The following R3HDM1 variants were observed in gnomAD, a reference collection of about 807,000 sequenced individuals.
R3HDM1 encodes the protein R3H domain-containing protein 1.
A neutral mutation model predicts 141.1 loss-of-function variants in R3HDM1; 46 were observed. That is an observed-to-expected ratio of 0.33 (90% confidence interval 0.26 to 0.42). The LOEUF (loss-of-function observed/expected upper bound fraction) is 0.42. R3HDM1 is among the 10% of genes least tolerant of loss of function. The pLI, the probability that R3HDM1 is intolerant of heterozygous loss-of-function variation, is 1.00. For missense variants in R3HDM1, 1,184 were observed against 1,368.3 expected, an observed-to-expected ratio of 0.87 and a Z score of 2.12; for synonymous variants, 435 against 472.9, an observed-to-expected ratio of 0.92 and a Z score of 1.04.
intron 1 of R3HDM1, among the ~76,000 whole-genome samples, chr2:135,585,443 G>A (rs1347024557): frequency 6.6e-6 from 1 of 152,144 alleles, no homozygotes; most frequent in Non-Finnish European, 1.5e-5. Context: ...TAACGTATGA[G>A]CATTGTCTGA....
At chr2:135,687,297 G>GAT (rs761629353) in intron 21 of R3HDM1, among the ~76,000 whole-genome samples, 7 of 152,134 alleles carry the variant, frequency 4.6e-5, no homozygotes, top group Non-Finnish European at 1.0e-4. Context: ...CTCTTCAGTG[G>GAT]ATATAACATT....
chr2:135,578,778 T>C (rs1706092829), intron 1 of R3HDM1, among the ~76,000 whole-genome samples: 1 of 152,180 alleles, frequency 6.6e-6, no homozygotes, highest in South Asian at 2.1e-4. Flanking sequence ...GAAACTGCCT[T>C]TTGTGTAAAG....
intron 1 of R3HDM1, among the ~76,000 whole-genome samples, chr2:135,577,565 T>C (rs559032581): frequency 1.9e-4 from 29 of 151,202 alleles, no homozygotes; most frequent in Admixed American, 3.3e-4. Context: ...TACAGAGAAA[T>C]AAGCTCACGC....
chr2:135,636,782 C>T (rs1289601382), intron 11 of R3HDM1, among the ~76,000 whole-genome samples: 1 of 149,336 alleles, frequency 6.7e-6, no homozygotes, highest in Non-Finnish European at 1.5e-5. Flanking sequence ...TAGAAATTTC[C>T]TCTGTGTTAA....
chr2:135,614,281 A>G (rs749125117), intron 3 of R3HDM1, among the ~76,000 whole-genome samples: 1 of 152,200 alleles, frequency 6.6e-6, no homozygotes, highest in Non-Finnish European at 1.5e-5. Context: ...AACAATATAC[A>G]GCACCCCCAT....
chr2:135,595,495 A>G (rs10167413), intron 1 of R3HDM1, among the ~76,000 whole-genome samples: 4,848 of 152,298 alleles, frequency 0.032, 248 homozygotes, highest in African/African-American at 0.11. Flanking sequence ...AAGCTGCTTA[A>G]TCTTCCTCTG....
chr2:135,537,011 C>T (rs1424766778), intron 1 of R3HDM1, among the ~76,000 whole-genome samples: 3 of 152,056 alleles, frequency 2.0e-5, no homozygotes, highest in Non-Finnish European at 2.9e-5. Context: ...TATTTTCCAC[C>T]AAACAGGTCC....
chr2:135,652,174 C>T (rs2065217897), intron 18 of R3HDM1, 142 bp downstream of exon 18: 1 of 1,303,534 alleles, frequency 7.7e-7, no homozygotes, highest in Non-Finnish European at 9.9e-7. Context: ...CTTTCCGCCT[C>T]TGGAGATTTT....
chr2:135,697,811 T>C (rs912822059), intron 21 of R3HDM1, among the ~76,000 whole-genome samples: 1 of 152,054 alleles, frequency 6.6e-6, no homozygotes, highest in African/African-American at 2.4e-5. Context: ...CCCAGCACTT[T>C]AGGAGGCCAA....
chr2:135,636,239 G>C (rs2063233741), intron 11 of R3HDM1, 56 bp downstream of exon 11: 2 of 1,560,178 alleles, frequency 1.3e-6, no homozygotes, highest in Non-Finnish European at 1.7e-6. Context: ...TTACGTTGTA[G>C]GGTCTCAGTC....
intron 21 of R3HDM1, among the ~76,000 whole-genome samples, chr2:135,685,417 T>C (rs1249259526): frequency 6.6e-6 from 1 of 152,214 alleles, no homozygotes; most frequent in Non-Finnish European, 1.5e-5. Flanking sequence ...GAATATAAAA[T>C]GTCTACAACT....
chr2:135,652,128 A>C (rs2065211287), intron 18 of R3HDM1, 96 bp downstream of exon 18: 1 of 1,446,780 alleles, frequency 6.9e-7, no homozygotes, highest in African/African-American at 1.4e-5. Context: ...TCATGAAGAG[A>C]ATTTGTGAGA....
chr2:135,534,073 A>G (rs1401859198), intron 1 of R3HDM1: 1 of 968,920 alleles, frequency 1.0e-6, no homozygotes, highest in Admixed American at 6.2e-5. Context: ...ATTAATTTAT[A>G]TAGTGACTTA....
chr2:135,695,722 A>T (rs1407208459), intron 21 of R3HDM1, among the ~76,000 whole-genome samples: 1 of 133,566 alleles, frequency 7.5e-6, no homozygotes, highest in East Asian at 2.2e-4. Context: ...TGAAGAAGTG[A>T]AAGAAAGAAA....
intron 20 of R3HDM1, among the ~76,000 whole-genome samples, chr2:135,678,907 G>A (rs1431429276): frequency 5.3e-5 from 8 of 151,146 alleles, no homozygotes; most frequent in African/African-American, 1.5e-4. Context: ...CTACAGGCAC[G>A]CGCCACTACT....
At chr2:135,558,071 C>T (rs145308597) in intron 1 of R3HDM1, among the ~76,000 whole-genome samples, 12 of 152,200 alleles carry the variant, frequency 7.9e-5, no homozygotes, top group East Asian at 5.8e-4. Flanking sequence ...TTAGAAATAT[C>T]GAGTTATAGA....
At chr2:135,574,822 T>C (rs924006205) in intron 1 of R3HDM1, among the ~76,000 whole-genome samples, 7 of 152,172 alleles carry the variant, frequency 4.6e-5, no homozygotes, top group African/African-American at 1.2e-4. Context: ...ATTTTTGAAA[T>C]GATAAAATTT....
In R3HDM1 at chr2:135,641,597, T is replaced by C. The variant is rs751391051; in HGVS notation, c.1281T>C (p.Pro427=). 8 of 1,614,148 alleles carry C rather than the reference T, an allele frequency of 5.0e-6. No individual in the cohort carries two copies. The South Asian group carries it at 8.8e-5, about 18-fold the overall frequency. ...STGSLSHIQQ[P]LPGTALSQSS... The stretch of plus-strand genomic sequence containing the variant: ...GCTCTCTTTCTCACATCCAGCAGCC[T>C]CTTCCAGGTACAGCTCTCAGCCAGT... The change falls in exon 15 of 27, where the codon CCT becomes CCC. Residue 427 remains proline, a synonymous_variant. Coordinates refer to ENST00000683871, the MANE Select transcript of R3HDM1 (RefSeq NM_001378107.1).
intron 1 of R3HDM1, among the ~76,000 whole-genome samples, chr2:135,595,339 C>A (rs1189581495): frequency 1.3e-5 from 2 of 152,176 alleles, no homozygotes; most frequent in East Asian, 1.9e-4. Flanking sequence ...ATTGAATTGG[C>A]TTCCCCCAGT....
Sources: gnomAD v4.1 joint callset for allele counts (sites outside exome capture counted in the v4.1 genomes callset) on GRCh38, gnomAD v4.1.1 for gene constraint, MANE v1.5 for transcripts, NCBI Gene and HGNC (gene_info 2026-07-23, HGNC 2026-07-21) for gene names.